The following SELENOF variants were observed in gnomAD, a reference collection of about 807,000 sequenced individuals.
The protein encoded by SELENOF is selenoprotein F, also known as 15 kDa selenoprotein.
A neutral mutation model predicts 20.5 loss-of-function variants in SELENOF; 16 were observed. That is an observed-to-expected ratio of 0.78 (90% CI 0.53 to 1.19). The LOEUF (loss-of-function observed/expected upper bound fraction) is 1.19, where lower values mean the gene tolerates loss of function less well. Among genes scored for constraint, SELENOF ranks in the 50% most tolerant of loss-of-function variants. The pLI is 0.00. For synonymous variants in SELENOF, 78 were observed against 74.5 expected, an observed-to-expected ratio of 1.05 and a Z score of -0.24; for missense variants, 215 against 194.2, an observed-to-expected ratio of 1.11 and a Z score of -0.64.
chr1:86,866,977 T>G (rs1300947463), intron 4 of SELENOF, among the ~76,000 whole-genome samples: 2 of 152,220 alleles, frequency 1.3e-5, no homozygotes, highest in African/African-American at 2.4e-5. Flanking sequence ...AGTTGAAAAC[T>G]TATGTGTACA....
intron 2 of SELENOF, among the ~76,000 whole-genome samples, chr1:86,885,849 G>C (rs1358814576): frequency 6.6e-6 from 1 of 152,120 alleles, no homozygotes; most frequent in African/African-American, 2.4e-5. Context: ...CAACAAAAGG[G>C]TTATTTACTT....
chr1:86,869,986 G>A (rs1467583511), intron 3 of SELENOF, among the ~76,000 whole-genome samples: 1 of 152,112 alleles, frequency 6.6e-6, no homozygotes, highest in African/African-American at 2.4e-5. Context: ...TGTTAGCCAG[G>A]ATGGTCTCGA....
intron 3 of SELENOF, among the ~76,000 whole-genome samples, chr1:86,871,183 T>C (rs1658755394): frequency 6.6e-6 from 1 of 152,220 alleles, no homozygotes; most frequent in Admixed American, 6.5e-5. Flanking sequence ...CATGAGAATA[T>C]GAGGAAACTG....
Position 86,868,054 on chromosome 1 carries a change from T to C in SELENOF, c.365A>G (p.Lys122Arg). 1 of 1,470,880 alleles carries C rather than the reference T, an allele frequency of 6.8e-7. No homozygotes were observed. Among genetic ancestry groups the C allele is most frequent in the South Asian group, 1.4e-5 (1 of 72,678 alleles). The allele number at this position is 1,470,880 out of a possible 1,614,324, so 91.1% of individuals were successfully genotyped here. A position where few individuals can be genotyped will look rare whatever the true frequency, so the allele number is the denominator to read the frequency against. The part of the protein sequence containing the change: ...KPKLFRGLQI[K>R]YVRGSDPVLK... ...AGATCTCCACTACAATCACCTTACCTTGATTTGCAGTCCTCTGAACAGTTT... is the reference window on the plus strand; with the variant it reads ...AGATCTCCACTACAATCACCTTACCCTGATTTGCAGTCCTCTGAACAGTTT... The change falls in exon 4 of 5, where the codon AAG becomes AGG. Residue 122 changes from lysine (K) to arginine (R), a missense_variant and splice_region_variant. Physicochemically the swap from Lys to Arg is conservative, Grantham distance 26. Transcript: ENST00000331835.
At chr1:86,890,703 G>A (rs1659360130) in intron 2 of SELENOF, among the ~76,000 whole-genome samples, 1 of 149,702 alleles carries the variant, frequency 6.7e-6, no homozygotes, top group Non-Finnish European at 1.5e-5. Flanking sequence ...TCTTGGTCTT[G>A]CCATTTTGCC....
intron 2 of SELENOF, among the ~76,000 whole-genome samples, chr1:86,883,274 T>C (rs1659124136): frequency 6.6e-6 from 1 of 151,946 alleles, no homozygotes. Context: ...TTCACAATGG[T>C]AGTTGTCAGT....
At chr1:86,864,961 AT>A (rs60379546) in intron 4 of SELENOF, among the ~76,000 whole-genome samples, 5 of 151,362 alleles carry the variant, frequency 3.3e-5, no homozygotes, top group African/African-American at 7.3e-5. Flanking sequence ...TAAGTTAAGG[AT>A]TTTTTTTTCT....
chr1:86,884,245 A>G (rs1659152479), intron 2 of SELENOF, among the ~76,000 whole-genome samples: 1 of 152,152 alleles, frequency 6.6e-6, no homozygotes, highest in East Asian at 1.9e-4. Context: ...GTTCCAGTCC[A>G]GGGTAAACAA....
At chr1:86,886,158 A>T (rs745694484) in intron 2 of SELENOF, among the ~76,000 whole-genome samples, 7 of 152,174 alleles carry the variant, frequency 4.6e-5, no homozygotes, top group Non-Finnish European at 1.0e-4. Context: ...AATCACCTGG[A>T]AATATTTTGA....
At chr1:86,882,376 A>C (rs1454086494) in intron 2 of SELENOF, among the ~76,000 whole-genome samples, 23 of 151,990 alleles carry the variant, frequency 1.5e-4, no homozygotes, top group Admixed American at 1.5e-3. Flanking sequence ...ATCTTGAAAA[A>C]TATAAGGCCA....
At chr1:86,896,935 A>C (rs1659540105) in intron 2 of SELENOF, among the ~76,000 whole-genome samples, 1 of 152,206 alleles carries the variant, frequency 6.6e-6, no homozygotes, top group South Asian at 2.1e-4. Context: ...TCTTAGTAAA[A>C]ACAGCCTTAT....
chr1:86,890,656 C>CTTTT (rs559873950), intron 2 of SELENOF, among the ~76,000 whole-genome samples: 1 of 140,790 alleles, frequency 7.1e-6, no homozygotes, highest in Non-Finnish European at 1.6e-5. Context: ...TCACACCCAG[C>CTTTT]TTTTTTTTTT....
chr1:86,889,017 T>C (rs1333348650), intron 2 of SELENOF, among the ~76,000 whole-genome samples: 1 of 152,200 alleles, frequency 6.6e-6, no homozygotes, highest in African/African-American at 2.4e-5. Flanking sequence ...TAAATTGTGG[T>C]ATCTCCCTAT....
chr1:86,899,303 T>C (rs11161909), intron 2 of SELENOF, among the ~76,000 whole-genome samples: 36,243 of 136,322 alleles, frequency 0.27, 7,181 homozygotes, highest in African/African-American at 0.55. Flanking sequence ...CTGTTGGGCA[T>C]ACCTCCCAGA....
At chr1:86,874,130 A>T (rs1658862572) in intron 3 of SELENOF, among the ~76,000 whole-genome samples, 1 of 146,774 alleles carries the variant, frequency 6.8e-6, no homozygotes, top group African/African-American at 2.5e-5. Flanking sequence ...TTCCCTGCTA[A>T]TTTTTTTTTT....
chr1:86,872,761 G>C (rs958766463), intron 3 of SELENOF, among the ~76,000 whole-genome samples: 1 of 152,068 alleles, frequency 6.6e-6, no homozygotes, highest in African/African-American at 2.4e-5. Context: ...GCCAGGCACG[G>C]GCCCGGCGTG....
intron 2 of SELENOF, among the ~76,000 whole-genome samples, chr1:86,884,694 A>G (rs1034230530): frequency 2.6e-5 from 4 of 152,186 alleles, no homozygotes; most frequent in African/African-American, 9.6e-5. Flanking sequence ...TTAATCTTCA[A>G]ACATTTAGGG....
chr1:86,894,563 GGT>G (rs1408878093), intron 2 of SELENOF, among the ~76,000 whole-genome samples: 4 of 152,140 alleles, frequency 2.6e-5, no homozygotes, highest in African/African-American at 9.6e-5. Context: ...TGGACAACTG[GGT>G]GTGTTGGTTT....
At chr1:86,882,247 CAA>C (rs61037512) in intron 2 of SELENOF, among the ~76,000 whole-genome samples, 1,919 of 61,614 alleles carry the variant, frequency 0.031, 5 homozygotes, top group African/African-American at 0.061. Flanking sequence ...GACTCTGTCT[CAA>C]AAAAAAAAAA....
Sources: gnomAD v4.1 joint callset for allele counts (sites outside exome capture counted in the v4.1 genomes callset) on GRCh38, gnomAD v4.1.1 for gene constraint, MANE v1.5 for transcripts, NCBI Gene and HGNC (gene_info 2026-07-23, HGNC 2026-07-21) for gene names.